Variants in CSMD3 observed in about 807,000 individuals in gnomAD.
CSMD3 encodes the protein CUB and sushi domain-containing protein 3.
CSMD3 carries 177 observed loss-of-function variants against 435.2 expected under a neutral mutation model. That is an observed-to-expected ratio of 0.41 (90% confidence interval 0.36 to 0.46). The LOEUF (loss-of-function observed/expected upper bound fraction) is 0.46. Among genes scored for constraint, CSMD3 ranks in the 20% least tolerant of loss-of-function variants. The pLI is 0.34. For missense variants in CSMD3, 4,265 were observed against 4,504.6 expected, an observed-to-expected ratio of 0.95 and a Z score of 1.52; for synonymous variants, 1,656 against 1,520.5, an observed-to-expected ratio of 1.09 and a Z score of -2.07.
intron 3 of CSMD3, among the ~76,000 whole-genome samples, chr8:113,238,303 G>A (rs887609307): frequency 4.6e-5 from 7 of 152,026 alleles, no homozygotes; most frequent in Admixed American, 3.9e-4. Flanking sequence ...AGGTGCAGTG[G>A]GGCCAGCGGC....
At chr8:113,399,509 T>C (rs2094499976) in intron 1 of CSMD3, among the ~76,000 whole-genome samples, 1 of 151,706 alleles carries the variant, frequency 6.6e-6, no homozygotes, top group Non-Finnish European at 1.5e-5. Context: ...TGGTTGAACC[T>C]GGAAAACGGT....
intron 1 of CSMD3, among the ~76,000 whole-genome samples, chr8:113,373,593 A>T (rs2094360342): frequency 6.6e-6 from 1 of 152,060 alleles, no homozygotes; most frequent in Non-Finnish European, 1.5e-5. Flanking sequence ...ATGTTTATTA[A>T]TTAACTTTAC....
chr8:112,978,436 T>C (rs1439758593), intron 6 of CSMD3, among the ~76,000 whole-genome samples: 1 of 151,856 alleles, frequency 6.6e-6, no homozygotes, highest in Non-Finnish European at 1.5e-5. Context: ...ATCCAAACAC[T>C]CACTTTCTTG....
At position 113,377,077 on chromosome 8, in the gene CSMD3, C is replaced by T. The variant is rs1053679920; in HGVS notation, c.178+59600G>A. 3 of 1,296,336 alleles carry T rather than the reference C, an allele frequency of 2.3e-6. No individual in the cohort carries two copies. The African/African-American group carries it at 4.5e-5, about 20-fold the overall frequency. 80.3% of individuals were successfully genotyped at this position (1,296,336 alleles called of 1,614,324 possible). ...GGCGCGGGGCAAGAGCCTCACTTTTCGCCAGCTGGCGCTGGACTCCCCCAA... is the reference window on the plus strand; with the variant it reads ...GGCGCGGGGCAAGAGCCTCACTTTTTGCCAGCTGGCGCTGGACTCCCCCAA... On this transcript the variant is annotated intron_variant, in intron 1 of 70. Coordinates refer to ENST00000297405, the MANE Select transcript of CSMD3 (RefSeq NM_198123.2).
chr8:113,214,871 G>A (rs1033420444), intron 3 of CSMD3, among the ~76,000 whole-genome samples: 3 of 151,704 alleles, frequency 2.0e-5, no homozygotes, highest in Admixed American at 6.6e-5. Flanking sequence ...GGTGTTTCAG[G>A]TATTTTAAAA....
intron 3 of CSMD3, among the ~76,000 whole-genome samples, chr8:113,174,265 A>G (rs145436368): frequency 1.1e-3 from 166 of 152,316 alleles, no homozygotes; most frequent in African/African-American, 3.5e-3. Context: ...CATAGTAATA[A>G]GCAAATTCAT....
At chr8:112,735,326 T>C (rs1476454522) in intron 13 of CSMD3, among the ~76,000 whole-genome samples, 2 of 152,012 alleles carry the variant, frequency 1.3e-5, no homozygotes, top group Non-Finnish European at 2.9e-5. Context: ...ATAAGTTTGT[T>C]ACTTCATACC....
intron 10 of CSMD3, among the ~76,000 whole-genome samples, chr8:112,888,677 G>A (rs775797301): frequency 4.6e-5 from 7 of 151,604 alleles, no homozygotes; most frequent in African/African-American, 1.2e-4. Context: ...TTATTTGTTC[G>A]TTCATATCGC....
intron 10 of CSMD3, among the ~76,000 whole-genome samples, chr8:112,873,411 A>G (rs893952858): frequency 3.9e-5 from 6 of 152,046 alleles, no homozygotes; most frequent in Non-Finnish European, 8.8e-5. Flanking sequence ...ATAGCTTTTC[A>G]CATGTTATTT....
intron 4 of CSMD3, among the ~76,000 whole-genome samples, chr8:113,155,890 T>C (rs143320656): frequency 2.0e-5 from 3 of 152,184 alleles, no homozygotes; most frequent in East Asian, 3.9e-4. Flanking sequence ...GCAGGCAATA[T>C]AAAAACTGTT....
intron 22 of CSMD3, among the ~76,000 whole-genome samples, chr8:112,595,759 C>G (rs1429114177): frequency 4.1e-5 from 4 of 96,826 alleles, no homozygotes; most frequent in South Asian, 3.5e-4. Context: ...CATATCCAGC[C>G]AAACTAAGCT....
intron 54 of CSMD3, among the ~76,000 whole-genome samples, chr8:112,294,304 T>C (rs1450305414): frequency 2.0e-5 from 3 of 152,084 alleles, no homozygotes; most frequent in Non-Finnish European, 4.4e-5. Flanking sequence ...ATATTTCCTG[T>C]GAACGCATAC....
At chr8:112,652,750 T>G (rs1470769989) in intron 18 of CSMD3, among the ~76,000 whole-genome samples, 1 of 152,194 alleles carries the variant, frequency 6.6e-6, no homozygotes, top group Non-Finnish European at 1.5e-5. Flanking sequence ...GGAACTGATA[T>G]CAGTATTATT....
At chr8:113,225,898 G>A (rs2093022429) in intron 3 of CSMD3, among the ~76,000 whole-genome samples, 1 of 151,450 alleles carries the variant, frequency 6.6e-6, no homozygotes, top group African/African-American at 2.4e-5. Context: ...GGACCTCATG[G>A]GAAGTGAGTA....
chr8:113,156,149 T>C (rs1331315747), intron 4 of CSMD3, among the ~76,000 whole-genome samples: 2 of 152,080 alleles, frequency 1.3e-5, no homozygotes, highest in African/African-American at 4.8e-5. Context: ...AGCAAAAATT[T>C]CTAGGAAAGG....
chr8:113,072,361 G>A (rs1416903984), intron 5 of CSMD3, among the ~76,000 whole-genome samples: 1 of 151,632 alleles, frequency 6.6e-6, no homozygotes, highest in Non-Finnish European at 1.5e-5. Flanking sequence ...GGGCATCCTT[G>A]TATAAGATCT....
chr8:112,590,412 G>A (rs777449620), intron 22 of CSMD3, among the ~76,000 whole-genome samples: 16 of 151,632 alleles, frequency 1.1e-4, no homozygotes, highest in Admixed American at 1.1e-3. Context: ...ATTCCAAACA[G>A]AAGGAACATT....
chr8:112,306,638 G>A (rs1821446443), intron 50 of CSMD3, among the ~76,000 whole-genome samples: 1 of 152,034 alleles, frequency 6.6e-6, no homozygotes, highest in South Asian at 2.1e-4. Context: ...TTTTGGTCAG[G>A]AATAAATCAA....
At position 112,976,056 on chromosome 8, in the gene CSMD3, C is replaced by A. The variant is rs1564168958; in HGVS notation, c.1123G>T (p.Ala375Ser). Residue 375 changes from alanine (A) to serine (S), a missense_variant, in exon 7 of 71, where the codon GCA becomes TCA. Ala to Ser is a moderately conservative substitution (Grantham distance 99). Around this residue, in one of 3 missense-constraint regions of CSMD3, gnomAD observed 731 missense variants for 755.4 expected, o/e 0.97. Coordinates refer to ENST00000297405, the MANE Select transcript of CSMD3 (RefSeq NM_198123.2). ...TGAIAVASTPADVTVSSVTAV... is the reference protein window; with the variant it reads ...TGAIAVASTPSDVTVSSVTAV... ...GTAACACTGGATACAGTAACATCTG[C>A]AGGTGTGCTAGCAACAGCAATAGCA... 2 of 1,614,038 alleles carry A rather than the reference C, an allele frequency of 1.2e-6. No individual in the cohort carries two copies. The highest frequency in any genetic ancestry group is 1.7e-6 in the Non-Finnish European group (2 of 1,179,960).
Sources: gnomAD v4.1 joint callset for allele counts (sites outside exome capture counted in the v4.1 genomes callset) on GRCh38, gnomAD v4.1.1 for gene constraint, gnomAD v4.1.1 regional missense constraint, MANE v1.5 for transcripts, NCBI Gene and HGNC (gene_info 2026-07-23, HGNC 2026-07-21) for gene names.